RALYL: variants seen among roughly 807,000 people sequenced by gnomAD.
RALYL encodes RNA-binding Raly-like protein.
RALYL carries 29 observed loss-of-function variants against 35.1 expected under a neutral mutation model. That is an observed-to-expected ratio of 0.83 (90% CI 0.61 to 1.13). The LOEUF (loss-of-function observed/expected upper bound fraction) is 1.13, where lower values mean the gene tolerates loss of function less well. Among genes scored for constraint, RALYL ranks in the 50% most tolerant of loss-of-function variants. RALYL has a pLI of 0.00. For missense variants in RALYL, 359 were observed against 360.4 expected, an observed-to-expected ratio of 1.00 and a Z score of 0.03; for synonymous variants, 120 against 127.6, an observed-to-expected ratio of 0.94 and a Z score of 0.40.
intron 1 of RALYL, among the ~76,000 whole-genome samples, chr8:84,470,675 C>G (rs1433659975): frequency 6.6e-6 from 1 of 152,122 alleles, no homozygotes; most frequent in African/African-American, 2.4e-5. Flanking sequence ...TCTAAATGGT[C>G]TTGTGGAGTA....
chr8:84,696,419 A>C (rs1193057914), intron 2 of RALYL, among the ~76,000 whole-genome samples: 1 of 151,890 alleles, frequency 6.6e-6, no homozygotes, highest in African/African-American at 2.4e-5. Context: ...CTTCTTTGTT[A>C]TACTATTTTC....
chr8:84,695,979 T>C (rs1248716009), intron 2 of RALYL, among the ~76,000 whole-genome samples: 1 of 151,762 alleles, frequency 6.6e-6, no homozygotes, highest in Non-Finnish European at 1.5e-5. Context: ...GGGCCATTTT[T>C]TTCAATACAC....
intron 2 of RALYL, among the ~76,000 whole-genome samples, chr8:84,591,421 G>T (rs960436979): frequency 1.3e-5 from 2 of 152,122 alleles, no homozygotes; most frequent in Non-Finnish European, 2.9e-5. Context: ...CAGATCTCAG[G>T]GGTAAGATGC....
chr8:84,883,073 C>A (rs998844017), intron 7 of RALYL, among the ~76,000 whole-genome samples: 1 of 151,926 alleles, frequency 6.6e-6, no homozygotes, highest in Non-Finnish European at 1.5e-5. Flanking sequence ...TGTTGACTAC[C>A]TATTACTAAC....
chr8:84,403,134 T>C (rs1024653866), intron 1 of RALYL, among the ~76,000 whole-genome samples: 7 of 152,118 alleles, frequency 4.6e-5, no homozygotes. Flanking sequence ...TGATAGTTTC[T>C]TTTTGCTGTG....
chr8:84,739,620 T>C (rs1011900318), intron 2 of RALYL, among the ~76,000 whole-genome samples: 12 of 151,796 alleles, frequency 7.9e-5, no homozygotes, highest in African/African-American at 2.9e-4. Context: ...ATGTATTTCA[T>C]ATATATATTC....
At chr8:84,603,938 TTG>T (rs1337412661) in intron 2 of RALYL, among the ~76,000 whole-genome samples, 1 of 152,036 alleles carries the variant, frequency 6.6e-6, no homozygotes, top group African/African-American at 2.4e-5. Flanking sequence ...TTTTGTTTGT[TTG>T]TTTGTTTGTT....
At chr8:84,661,085 T>C (rs1830814937) in intron 2 of RALYL, among the ~76,000 whole-genome samples, 1 of 151,860 alleles carries the variant, frequency 6.6e-6, no homozygotes, top group Admixed American at 6.6e-5. Context: ...CCCCCCACCA[T>C]GCCCGGCTAA....
chr8:84,320,062 T>C (rs1008010169), intron 1 of RALYL, among the ~76,000 whole-genome samples: 1 of 152,062 alleles, frequency 6.6e-6, no homozygotes, highest in African/African-American at 2.4e-5. Flanking sequence ...TTCTCCACGT[T>C]TGAATTCCAG....
chr8:84,242,016 C>G (rs1368831478), intron 1 of RALYL, among the ~76,000 whole-genome samples: 2 of 152,126 alleles, frequency 1.3e-5, no homozygotes, highest in Non-Finnish European at 2.9e-5. Context: ...TCCCACACCC[C>G]CAACAGGCCC....
At chr8:84,466,335 G>A (rs1257065865) in intron 1 of RALYL, among the ~76,000 whole-genome samples, 2 of 145,194 alleles carry the variant, frequency 1.4e-5, no homozygotes, top group African/African-American at 5.2e-5. Context: ...CTAATTTATT[G>A]AGAGTTTTTA....
intron 2 of RALYL, among the ~76,000 whole-genome samples, chr8:84,581,479 A>G (rs1055517249): frequency 1.3e-5 from 2 of 152,196 alleles, no homozygotes; most frequent in Non-Finnish European, 2.9e-5. Flanking sequence ...CACACATAAT[A>G]TAGAATCTGA....
chr8:84,498,899 CAT>C (rs2056370167), intron 1 of RALYL, among the ~76,000 whole-genome samples: 1 of 151,774 alleles, frequency 6.6e-6, no homozygotes. Flanking sequence ...TAATAATATT[CAT>C]AGTTTTTCTA....
At chr8:84,820,547 T>A (rs1828295778) in intron 4 of RALYL, among the ~76,000 whole-genome samples, 1 of 152,172 alleles carries the variant, frequency 6.6e-6, no homozygotes, top group Non-Finnish European at 1.5e-5. Context: ...CTTGTTTTTT[T>A]AATTTTACTC....
intron 2 of RALYL, among the ~76,000 whole-genome samples, chr8:84,678,431 T>A (rs760676595): frequency 5.5e-4 from 83 of 151,756 alleles, no homozygotes; most frequent in Non-Finnish European, 1.0e-3. Flanking sequence ...ACCCGGATAA[T>A]TTTTTTCACA....
At position 84,323,616 on chromosome 8, in the gene RALYL, T is replaced by A. The variant is rs1845272807; in HGVS notation, c.-24+139192T>A. Among the ~76,000 whole-genome samples, 4 of 152,252 alleles carry A rather than the reference T, an allele frequency of 2.6e-5. No homozygotes were observed. In the South Asian group the frequency reaches 8.3e-4, roughly 31 times the overall value. ...TGCATTTCAATGCACAGTGTTAAAC[T>A]GGTAAACCAGCACATCAGTAGGTAA... is the stretch of plus-strand genomic sequence containing the variant. On this transcript the variant is annotated intron_variant, in intron 1 of 8. Coordinates refer to ENST00000521268, the MANE Select transcript of RALYL (RefSeq NM_173848.7).
At chr8:84,309,570 A>G (rs1426757288) in intron 1 of RALYL, among the ~76,000 whole-genome samples, 1 of 152,168 alleles carries the variant, frequency 6.6e-6, no homozygotes. Flanking sequence ...GATTAGTGAA[A>G]TAGAGGTAGC....
intron 2 of RALYL, among the ~76,000 whole-genome samples, chr8:84,693,913 A>G (rs549874466): frequency 1.3e-5 from 2 of 152,010 alleles, no homozygotes; most frequent in East Asian, 1.9e-4. Flanking sequence ...AAAATTTAAC[A>G]TTCTTTCATG....
rs960957036 is a variant in RALYL, at chr8:84,184,831, G to C, written c.-24+407G>C. 3 of 737,794 alleles carry C rather than the reference G, an allele frequency of 4.1e-6. No homozygotes were observed. The Admixed American group carries it at 6.4e-5, about 16-fold the overall frequency. 45.7% of individuals were successfully genotyped at this position (737,794 alleles called of 1,614,324 possible). A position where few individuals can be genotyped will look rare whatever the true frequency, so the allele number is the denominator to read the frequency against. ...GTACGTGGCGCTGGCCGTCGGGCGG[G>C]CTAGAGGGGACCCTCAGAGCACCCG... On this transcript the variant is annotated intron_variant, in intron 1 of 8. Coordinates refer to ENST00000521268, the MANE Select transcript of RALYL (RefSeq NM_173848.7).
Sources: allele counts gnomAD v4.1 joint callset (sites outside exome capture counted in the v4.1 genomes callset), GRCh38; gene constraint gnomAD v4.1.1; transcripts MANE v1.5; gene names NCBI Gene and HGNC (gene_info 2026-07-23, HGNC 2026-07-21).